CLIP2: variants seen among roughly 807,000 people sequenced by gnomAD.
CLIP2 encodes CAP-Gly domain-containing linker protein 2.
CLIP2 carries 41 observed loss-of-function variants against 111.7 expected under a neutral mutation model. That is an observed-to-expected ratio of 0.37 (90% CI 0.29 to 0.48). The LOEUF (loss-of-function observed/expected upper bound fraction) is 0.48, where lower values mean the gene tolerates loss of function less well. CLIP2 is among the 20% of genes least tolerant of loss of function. CLIP2 has a pLI of 0.99. For synonymous variants in CLIP2, 660 were observed against 644.2 expected, an observed-to-expected ratio of 1.02 and a Z score of -0.37; for missense variants, 1,160 against 1,422.1, an observed-to-expected ratio of 0.82 and a Z score of 2.96.
intron 2 of CLIP2, among the ~76,000 whole-genome samples, chr7:74,323,553 G>A (rs1321757568): frequency 6.6e-6 from 1 of 151,504 alleles, no homozygotes; most frequent in Non-Finnish European, 1.5e-5. Context: ...TCAGCCTCCT[G>A]AGTAGCTGGG....
At chr7:74,386,678 T>G (rs957725738) in intron 12 of CLIP2, 74 bp downstream of exon 12, 5 of 1,240,616 alleles carry the variant, frequency 4.0e-6, no homozygotes, top group Non-Finnish European at 5.7e-6. Context: ...CAATTAAGCA[T>G]GGAGTGGGTC....
At chr7:74,328,592 C>T (rs1316930947) in intron 2 of CLIP2, among the ~76,000 whole-genome samples, 1 of 151,966 alleles carries the variant, frequency 6.6e-6, no homozygotes, top group Non-Finnish European at 1.5e-5. Context: ...ACACAGTGGG[C>T]CCCTTGAGAT....
At chr7:74,351,288 C>T (rs1554307487) in intron 3 of CLIP2, among the ~76,000 whole-genome samples, 2 of 151,476 alleles carry the variant, frequency 1.3e-5, no homozygotes, top group South Asian at 2.1e-4. Flanking sequence ...GTGACGAAAC[C>T]CCATCTCTAC....
At chr7:74,396,332 C>T (rs1443427727) in intron 13 of CLIP2, among the ~76,000 whole-genome samples, 12 of 152,018 alleles carry the variant, frequency 7.9e-5, no homozygotes, top group African/African-American at 2.2e-4. Context: ...GAAGCCAAGG[C>T]GGGAGGATCA....
intron 1 of CLIP2, among the ~76,000 whole-genome samples, chr7:74,305,969 C>T (rs1355792749): frequency 7.9e-5 from 12 of 151,456 alleles, no homozygotes; most frequent in Admixed American, 7.9e-4. Flanking sequence ...TCTCTGTGGC[C>T]CCTCATCCCC....
chr7:74,381,378 G>A (rs1304422679), intron 11 of CLIP2, among the ~76,000 whole-genome samples: 5 of 151,954 alleles, frequency 3.3e-5, no homozygotes, highest in African/African-American at 9.7e-5. Flanking sequence ...TAGTAGAGAC[G>A]GGGTTTCACC....
At chr7:74,375,809 G>A (rs537118635) in intron 9 of CLIP2, 78 bp from the exon 10 acceptor site, 55 of 1,258,554 alleles carry the variant, frequency 4.4e-5, no homozygotes, top group South Asian at 7.9e-5. Flanking sequence ...CCCCCTACCC[G>A]GCCCCCACCA....
rs201718925 is a variant in CLIP2, at chr7:74,376,021, C to G, written c.1620C>G (p.Ala540=). The G allele has an allele frequency of 6.2e-7, 1 of 1,612,942 alleles. No homozygotes were observed. The highest frequency in any genetic ancestry group is 8.5e-7 in the Non-Finnish European group (1 of 1,179,914). Residue 540 remains alanine (A), a synonymous_variant, in exon 10 of 17, where the codon GCC becomes GCG. Coordinates refer to ENST00000223398, the MANE Select transcript of CLIP2 (RefSeq NM_003388.5). The surrounding 1 kb of genome is among the most constrained non-coding windows in gnomAD (Gnocchi z 7.1). ...CACCTCCGGACCACCCAGACGCCGC[C>G]GAGATCCTGCGGCTACGGGAGCGGC... ...GPPPPDHPDA[A]EILRLRERLL...
At position 74,326,263 on chromosome 7, in the gene CLIP2, G is replaced by A. The variant is rs139218104; in HGVS notation, c.121+8596G>A. Among the ~76,000 whole-genome samples the A allele has an allele frequency of 5.0e-3, 758 of 152,244 alleles. 8 individuals carry two copies. Among genetic ancestry groups the A allele is most frequent in the African/African-American group, 0.018 (730 of 41,556 alleles). ...TCATAAAAATAAAGATGAGACCACC[G>A]AGGCTTGGAGTCTCAGCTGCGTTGC... On this transcript the variant is annotated intron_variant, in intron 2 of 16. Transcript: ENST00000223398.
chr7:74,337,397 C>T (rs768422354), intron 2 of CLIP2, among the ~76,000 whole-genome samples: 6 of 151,940 alleles, frequency 3.9e-5, no homozygotes, highest in Non-Finnish European at 7.4e-5. Flanking sequence ...GCCCTGTAAC[C>T]GTCTGAGGGC....
intron 3 of CLIP2, among the ~76,000 whole-genome samples, chr7:74,348,384 C>A (rs1440656981): frequency 6.6e-6 from 1 of 151,974 alleles, no homozygotes; most frequent in Non-Finnish European, 1.5e-5. Flanking sequence ...GGCTGGGTGA[C>A]GTGGCTCATA....
chr7:74,360,149 T>C, intron 6 of CLIP2, 26 bp from the exon 7 acceptor site: 2 of 1,566,328 alleles, frequency 1.3e-6, no homozygotes, highest in South Asian at 1.2e-5. Flanking sequence ...ATGCTGACCC[T>C]GTCCTGGCCT....
chr7:74,399,199 C>T (rs1277596739), intron 14 of CLIP2, among the ~76,000 whole-genome samples: 1 of 151,856 alleles, frequency 6.6e-6, no homozygotes, highest in Non-Finnish European at 1.5e-5. Flanking sequence ...GTGGGGGTGA[C>T]TATGGAGAGG....
At chr7:74,349,170 C>T (rs896399863) in intron 3 of CLIP2, among the ~76,000 whole-genome samples, 19 of 146,046 alleles carry the variant, frequency 1.3e-4, no homozygotes, top group Non-Finnish European at 2.0e-4. Flanking sequence ...TGGTAGCTTA[C>T]GCCTGTAATC....
At chr7:74,312,778 C>T (rs1197359954) in intron 1 of CLIP2, among the ~76,000 whole-genome samples, 3 of 152,214 alleles carry the variant, frequency 2.0e-5, no homozygotes, top group South Asian at 2.1e-4. Flanking sequence ...CTCTCGTGGG[C>T]GCACCCCGGC....
chr7:74,299,323 TAAAA>T (rs1265352488), intron 1 of CLIP2, among the ~76,000 whole-genome samples: 1 of 139,116 alleles, frequency 7.2e-6, no homozygotes, highest in African/African-American at 3.0e-5. Context: ...AGACCCTGTC[TAAAA>T]TAAATAAATA....
At chr7:74,347,969 C>T (rs879951620) in intron 3 of CLIP2, among the ~76,000 whole-genome samples, 17 of 151,824 alleles carry the variant, frequency 1.1e-4, no homozygotes, top group Non-Finnish European at 2.4e-4. Context: ...CACTTGAGGT[C>T]AGGAGTTCCA....
intron 14 of CLIP2, among the ~76,000 whole-genome samples, chr7:74,399,765 C>G (rs1554317253): frequency 6.6e-6 from 1 of 151,884 alleles, no homozygotes; most frequent in African/African-American, 2.4e-5. Context: ...GTCTCGAACT[C>G]CTGACCTCAG....
At chr7:74,349,107 C>T (rs1789896243) in intron 3 of CLIP2, among the ~76,000 whole-genome samples, 1 of 151,304 alleles carries the variant, frequency 6.6e-6, no homozygotes, top group East Asian at 2.0e-4. Context: ...TGCATTCTGC[C>T]CATGCCATGG....
Sources: gnomAD v4.1 joint callset for allele counts (sites outside exome capture counted in the v4.1 genomes callset) on GRCh38, gnomAD v4.1.1 for gene constraint, Gnocchi (gnomAD v3.1) non-coding constraint, MANE v1.5 for transcripts, NCBI Gene and HGNC (gene_info 2026-07-23, HGNC 2026-07-21) for gene names.